Variants in PTPN14 observed in about 807,000 individuals in gnomAD.
PTPN14 encodes the protein protein tyrosine phosphatase non-receptor type 14.
In PTPN14, 53 loss-of-function variants were observed where a neutral mutation model predicts 126.8. The observed-to-expected ratio is 0.42, with a 90% CI of 0.34 to 0.53. The LOEUF is 0.53. Among genes scored for constraint, PTPN14 ranks in the 20% least tolerant of loss-of-function variants. The pLI, the probability that PTPN14 is intolerant of heterozygous loss-of-function variation, is 0.08. For missense variants in PTPN14, 1,257 were observed against 1,552.9 expected, an observed-to-expected ratio of 0.81 and a Z score of 3.20; for synonymous variants, 630 against 599.3, an observed-to-expected ratio of 1.05 and a Z score of -0.75.
At chr1:214,476,336 T>A (rs1464797408) in intron 1 of PTPN14, among the ~76,000 whole-genome samples, 1 of 139,386 alleles carries the variant, frequency 7.2e-6, no homozygotes, top group African/African-American at 2.4e-5. Flanking sequence ...CAAAAGAAAC[T>A]CACTGAGGAT....
At chr1:214,533,477 C>T (rs1655610717) in intron 1 of PTPN14, 2 of 467,522 alleles carry the variant, frequency 4.3e-6, no homozygotes, top group African/African-American at 2.1e-5. Context: ...ATTAAGCCAG[C>T]AGAAGCAGGG....
In PTPN14 at chr1:214,364,545, A is replaced by G; in HGVS notation, c.3402T>C (p.Ser1134=). Residue 1134 remains serine (S), a synonymous_variant, in exon 18 of 19, where the codon TCT becomes TCC. Transcript: ENST00000366956. The surrounding 1 kb of genome is among the most constrained non-coding windows in gnomAD (Gnocchi z 4.1). ...GVGRTGVLIL[S]ELMIYCLEHN... is the part of the protein sequence containing the mutation. ...GTTCCAAGCAGTAGATCATCAGCTC[A>G]GAAAGAATGAGCACGCCGGTCCTTC... 6.2e-7 allele frequency: 1 copy of G among 1,614,076 alleles called. No homozygotes were observed. Among genetic ancestry groups the G allele is most frequent in the Non-Finnish European group, 8.5e-7 (1 of 1,180,010 alleles).
At chr1:214,402,047 C>T (rs942455238) in intron 6 of PTPN14, among the ~76,000 whole-genome samples, 26 of 151,716 alleles carry the variant, frequency 1.7e-4, no homozygotes, top group African/African-American at 5.8e-4. Flanking sequence ...GACATCCCTT[C>T]GAATATGTTG....
chr1:214,443,701 A>G (rs924232867), intron 3 of PTPN14, among the ~76,000 whole-genome samples: 1 of 152,140 alleles, frequency 6.6e-6, no homozygotes, highest in African/African-American at 2.4e-5. Flanking sequence ...TGAAAAACCA[A>G]AAAACTTCAG....
At chr1:214,511,613 G>C (rs1225338835) in intron 1 of PTPN14, among the ~76,000 whole-genome samples, 1 of 152,208 alleles carries the variant, frequency 6.6e-6, no homozygotes, top group East Asian at 1.9e-4. Context: ...CAGTTCAGCA[G>C]TACCTTTAAC....
chr1:214,502,143 A>G (rs531019526), intron 1 of PTPN14, among the ~76,000 whole-genome samples: 2 of 152,104 alleles, frequency 1.3e-5, no homozygotes, highest in Admixed American at 1.3e-4. Flanking sequence ...CATATATTTA[A>G]TGCATAGAAC....
intron 6 of PTPN14, among the ~76,000 whole-genome samples, chr1:214,402,431 C>G: frequency 1.4e-5 from 1 of 70,412 alleles, no homozygotes; most frequent in African/African-American, 8.2e-5. Context: ...CAGAGCGAGA[C>G]TCTGTCAAAA....
chr1:214,530,284 C>T (rs375439454), intron 1 of PTPN14: 9 of 152,032 alleles, frequency 5.9e-5, no homozygotes, highest in African/African-American at 2.2e-4. Flanking sequence ...AGTGATCAAC[C>T]CCTAACCAAA....
chr1:214,490,845 GAA>G (rs1661214967), intron 1 of PTPN14, among the ~76,000 whole-genome samples: 1 of 51,668 alleles, frequency 1.9e-5, no homozygotes, highest in African/African-American at 9.2e-5. Flanking sequence ...GAAAGGAAAG[GAA>G]AGGAAGGGAA....
At position 214,414,628 on chromosome 1, in the gene PTPN14, C is replaced by T; in HGVS notation, c.442+1G>A. 6.2e-7 allele frequency: 1 copy of T among 1,611,676 alleles called. No individual in the cohort carries two copies. Among genetic ancestry groups the T allele is most frequent in the Non-Finnish European group, 8.5e-7 (1 of 1,177,770 alleles). ...ACATGCTGCTCATAACTATGTCTTA[C>T]CTTGCACAGCTAGGCCGGCTAGCCG... On this transcript the variant is annotated splice_donor_variant, in intron 4 of 18. Coordinates refer to ENST00000366956, the MANE Select transcript of PTPN14 (RefSeq NM_005401.5). LOFTEE classifies it high-confidence loss of function.
intron 3 of PTPN14, among the ~76,000 whole-genome samples, 193 bp from the exon 4 acceptor site, chr1:214,414,919 C>T (rs1279901497): frequency 6.6e-6 from 1 of 152,150 alleles, no homozygotes; most frequent in Non-Finnish European, 1.5e-5. Context: ...GTAGCAGGTG[C>T]CACATCCTGT....
At chr1:214,403,832 C>T (rs999735742) in intron 5 of PTPN14, among the ~76,000 whole-genome samples, 2 of 152,170 alleles carry the variant, frequency 1.3e-5, no homozygotes, top group Non-Finnish European at 2.9e-5. Flanking sequence ...GGCTCAAGCC[C>T]CAAGCCAGCT....
rs72757960 is a variant in PTPN14 at position 214,375,252 on chromosome 1, G to A, written c.2907+967C>T. ...GATACACAAGCTAGATATCTAACTC[G>A]CCTTTTACAGGCTTAAAAAAACCTG... On this transcript the variant is annotated intron_variant, in intron 15 of 18. Transcript: ENST00000366956. 5.0e-3 allele frequency among the ~76,000 whole-genome samples: 756 copies of A among 152,088 alleles called. 16 individuals are homozygous for A. Among genetic ancestry groups the A allele is most frequent in the East Asian group, 0.037 (193 of 5,178 alleles).
chr1:214,503,708 T>C (rs1451119638), intron 1 of PTPN14, among the ~76,000 whole-genome samples: 1 of 152,248 alleles, frequency 6.6e-6, no homozygotes, highest in Non-Finnish European at 1.5e-5. Context: ...AATCCTATGA[T>C]GTACTTAGCT....
At chr1:214,527,233 T>C (rs1298841869) in intron 1 of PTPN14, among the ~76,000 whole-genome samples, 1 of 152,184 alleles carries the variant, frequency 6.6e-6, no homozygotes, top group East Asian at 1.9e-4. Context: ...AGGACATTTG[T>C]AGGTTTCTGT....
intron 3 of PTPN14, among the ~76,000 whole-genome samples, chr1:214,428,598 A>G (rs1290780982): frequency 1.3e-5 from 2 of 152,204 alleles, no homozygotes; most frequent in Admixed American, 6.5e-5. Context: ...ATCTTTATAG[A>G]ACGAAGTCCA....
At chr1:214,447,487 G>A (rs1660172509) in intron 3 of PTPN14, among the ~76,000 whole-genome samples, 1 of 151,986 alleles carries the variant, frequency 6.6e-6, no homozygotes, top group Admixed American at 6.6e-5. Context: ...AATCACACCT[G>A]ATCGTTGTTG....
intron 2 of PTPN14, among the ~76,000 whole-genome samples, chr1:214,453,663 T>C (rs1179059242): frequency 6.6e-6 from 1 of 152,124 alleles, no homozygotes; most frequent in Non-Finnish European, 1.5e-5. Context: ...ACCATCATCA[T>C]CATCAGTAAA....
In PTPN14 at chr1:214,350,938, T is replaced by C. The variant is rs1657693615; in HGVS notation, c.*6984A>G. ...AAATAAGATTTCCTAATTACATATT[T>C]CTGAGAGGTTTAAGGCAATGATTCT... On this transcript the variant is annotated 3_prime_UTR_variant, in exon 19 of 19. Coordinates refer to ENST00000366956, the MANE Select transcript of PTPN14 (RefSeq NM_005401.5). 1 of 151,888 alleles carries C rather than the reference T, an allele frequency of 6.6e-6. No individual in the cohort carries two copies. The highest frequency in any genetic ancestry group is 1.5e-5 in the Non-Finnish European group (1 of 68,000). 9.4% of individuals were successfully genotyped at this position (151,888 alleles called of 1,614,324 possible).
Sources: allele counts gnomAD v4.1 joint callset (sites outside exome capture counted in the v4.1 genomes callset), GRCh38; gene constraint gnomAD v4.1.1; non-coding constraint Gnocchi (gnomAD v3.1); transcripts MANE v1.5; gene names NCBI Gene and HGNC (gene_info 2026-07-23, HGNC 2026-07-21).